The following GCNT2 variants were observed in gnomAD, a reference collection of about 807,000 sequenced individuals.
The protein encoded by GCNT2 is glucosaminyl (N-acetyl) transferase 2 (I blood group).
Under a neutral mutation model 34.2 loss-of-function variants are expected in GCNT2, and 34 were observed. The ratio of observed to expected loss-of-function variants is 1.00; its 90% CI spans 0.76 to 1.32. The LOEUF (loss-of-function observed/expected upper bound fraction) is 1.32. Among genes scored for constraint, GCNT2 ranks in the 40% most tolerant of loss-of-function variants. The pLI is 0.00. For missense variants in GCNT2, 584 were observed against 489.4 expected (o/e 1.19, Z -1.82); for synonymous variants, 212 against 188.0 (o/e 1.13, Z -1.04).
intron 3 of GCNT2, among the ~76,000 whole-genome samples, chr6:10,611,313 A>G (rs1192977518): frequency 5.0e-5 from 7 of 139,838 alleles, no homozygotes; most frequent in Non-Finnish European, 3.1e-5. Context: ...AAACAAATAT[A>G]TACTTTTAAT....
At chr6:10,603,834 T>C (rs1302125116) in intron 3 of GCNT2, among the ~76,000 whole-genome samples, 2 of 148,726 alleles carry the variant, frequency 1.3e-5, no homozygotes, top group Non-Finnish European at 3.0e-5. Flanking sequence ...TTTTTTTTTT[T>C]TTTTTAATAA....
chr6:10,563,963 T>G (rs977511798), intron 3 of GCNT2, among the ~76,000 whole-genome samples: 1 of 151,994 alleles, frequency 6.6e-6, no homozygotes, highest in Non-Finnish European at 1.5e-5. Flanking sequence ...ACTGCGAATA[T>G]TCTGAAGATG....
chr6:10,558,701 C>T (rs1055581265), intron 3 of GCNT2, among the ~76,000 whole-genome samples: 1 of 152,366 alleles, frequency 6.6e-6, no homozygotes, highest in Middle Eastern at 3.4e-3. Flanking sequence ...TAGGTGCTCT[C>T]AGGCTGCAGG....
intron 3 of GCNT2, among the ~76,000 whole-genome samples, chr6:10,579,453 C>T (rs1624768): frequency 0.029 from 4,464 of 152,242 alleles, 195 homozygotes; most frequent in African/African-American, 0.098. Flanking sequence ...TTCTTCACAG[C>T]TTTCAAGTCC....
intron 3 of GCNT2, among the ~76,000 whole-genome samples, chr6:10,542,718 A>G (rs984563700): frequency 1.3e-5 from 2 of 152,106 alleles, no homozygotes; most frequent in African/African-American, 4.8e-5. Flanking sequence ...GTTCCATTAT[A>G]TGGATACACC....
intron 3 of GCNT2, among the ~76,000 whole-genome samples, chr6:10,549,627 A>C (rs1762407196): frequency 8.3e-6 from 1 of 119,762 alleles, no homozygotes; most frequent in South Asian, 2.7e-4. Flanking sequence ...GTTGGAGTGT[A>C]GTGGCACAGT....
At chr6:10,590,209 G>C (rs1459480335) in intron 3 of GCNT2, among the ~76,000 whole-genome samples, 1 of 152,078 alleles carries the variant, frequency 6.6e-6, no homozygotes, top group Non-Finnish European at 1.5e-5. Context: ...TCCAGCCTGG[G>C]CAACATAGTG....
chr6:10,534,811 G>A (rs1696548126), intron 3 of GCNT2, among the ~76,000 whole-genome samples: 1 of 152,150 alleles, frequency 6.6e-6, no homozygotes, highest in African/African-American at 2.4e-5. Flanking sequence ...ACAGTGAGCT[G>A]CAATAGCACC....
At chr6:10,557,288 A>G (rs1444140586) in intron 3 of GCNT2, 1 of 1,613,744 alleles carries the variant, frequency 6.2e-7, no homozygotes, top group Non-Finnish European at 8.5e-7. Flanking sequence ...CCAGTGGTCC[A>G]AGGACACTTT....
chr6:10,577,097 G>A (rs1456412572), intron 3 of GCNT2, among the ~76,000 whole-genome samples: 1 of 152,150 alleles, frequency 6.6e-6, no homozygotes, highest in African/African-American at 2.4e-5. Context: ...AAATGAAAAT[G>A]AAAAATAGAA....
intron 1 of GCNT2, among the ~76,000 whole-genome samples, chr6:10,526,645 T>A (rs1339696895): frequency 6.6e-6 from 1 of 152,100 alleles, no homozygotes; most frequent in Non-Finnish European, 1.5e-5. Flanking sequence ...CTCGAGCTCC[T>A]CCCGCCTTGG....
At chr6:10,550,555 A>G (rs1762439380) in intron 3 of GCNT2, among the ~76,000 whole-genome samples, 1 of 152,166 alleles carries the variant, frequency 6.6e-6, no homozygotes, top group African/African-American at 2.4e-5. Context: ...CAGTGGCACC[A>G]TCATGGCTTA....
Position 10,529,099 on chromosome 6 carries a change from A to G in GCNT2, c.188A>G (p.Asn63Ser). The G allele has an allele frequency of 6.2e-7, 1 of 1,614,172 alleles. No homozygotes were observed. ...GGGAAAGTTTTTTACCCAACAGAAA[A>G]TGCATTGAAAACTACCCTTGATGAA... ...FEGKVFYPTE[N>S]ALKTTLDEAT... Residue 63 changes from asparagine to serine, a missense_variant, in exon 3 of 5, where the codon AAT (asparagine) becomes AGT (serine). Coordinates refer to ENST00000495262, the MANE Select transcript of GCNT2 (RefSeq NM_145649.5).
chr6:10,529,271 C>T lies in GCNT2; in HGVS notation c.360C>T (p.Pro120=). Residue 120 remains proline, a synonymous_variant, in exon 3 of 5, where the codon CCC becomes CCT. Coordinates refer to ENST00000495262, the MANE Select transcript of GCNT2 (RefSeq NM_145649.5). ...FERLFRAIYM[P]QNVYCVHLDQ... The stretch of plus-strand genomic sequence containing the variant: ...GGCTCTTCAGGGCGATTTATATGCC[C>T]CAAAATGTCTACTGTGTGCACCTGG... The T allele has an allele frequency of 6.2e-7, 1 of 1,614,082 alleles. No homozygotes were observed. The highest frequency in any genetic ancestry group is 1.1e-5 in the South Asian group (1 of 91,080).
At chr6:10,616,048 G>C (rs1199174728) in intron 3 of GCNT2, among the ~76,000 whole-genome samples, 2 of 152,240 alleles carry the variant, frequency 1.3e-5, no homozygotes, top group Non-Finnish European at 2.9e-5. Flanking sequence ...CTCTCGCAGT[G>C]AGTGTTACAG....
At position 10,629,295 on chromosome 6, in the gene GCNT2, C is replaced by A. The variant is rs1422318549; in HGVS notation, c.*2688C>A. 1 of 152,588 alleles carries A rather than the reference C, an allele frequency of 6.6e-6. No individual in the cohort carries two copies. Among genetic ancestry groups the A allele is most frequent in the African/African-American group, 2.4e-5 (1 of 41,434 alleles). 9.5% of individuals were successfully genotyped at this position (152,588 alleles called of 1,614,324 possible). On this transcript the variant is annotated 3_prime_UTR_variant, in exon 5 of 5. Transcript: ENST00000495262. Reference sequence around the variant, plus strand: ...AGCCCATGGGAATGCCCTGAAACTACTGTATCTGATGTTTGTTTTCGATGA... The same window carrying A: ...AGCCCATGGGAATGCCCTGAAACTAATGTATCTGATGTTTGTTTTCGATGA...
chr6:10,557,408 A>G, intron 3 of GCNT2: 1 of 1,256,180 alleles, frequency 8.0e-7, no homozygotes, highest in African/African-American at 1.5e-5. Flanking sequence ...TAGAATAACC[A>G]GCCACTTTTT....
intron 3 of GCNT2, among the ~76,000 whole-genome samples, chr6:10,558,981 A>G (rs1375610809): frequency 2.6e-5 from 4 of 151,764 alleles, no homozygotes; most frequent in Non-Finnish European, 5.9e-5. Flanking sequence ...TTTCCTTAAA[A>G]TTCATAAAAG....
At chr6:10,576,401 T>C (rs562777) in intron 3 of GCNT2, among the ~76,000 whole-genome samples, 23,118 of 152,198 alleles carry the variant, frequency 0.15, 1,880 homozygotes, top group Middle Eastern at 0.19. Context: ...GAAACACTGA[T>C]GCCTGAAGTA....
Sources: allele counts gnomAD v4.1 joint callset (sites outside exome capture counted in the v4.1 genomes callset), GRCh38; gene constraint gnomAD v4.1.1; transcripts MANE v1.5; gene names NCBI Gene and HGNC (gene_info 2026-07-23, HGNC 2026-07-21).